GCA: variants seen among roughly 807,000 people sequenced by gnomAD.
GCA encodes the protein grancalcin, EF-hand calcium-binding protein.
A neutral mutation model predicts 32.6 loss-of-function variants in GCA; 30 were observed. The observed-to-expected ratio is 0.92, with a 90% CI of 0.69 to 1.25. The LOEUF (loss-of-function observed/expected upper bound fraction) is 1.25, where lower values mean the gene tolerates loss of function less well. Among genes scored for constraint, GCA ranks in the 50% most tolerant of loss-of-function variants. GCA has a pLI of 0.00. For synonymous variants in GCA, 102 were observed against 84.6 expected (o/e 1.21, Z -1.13); for missense variants, 291 against 266.8 (o/e 1.09, Z -0.63).
At chr2:162,359,581 T>G (rs367911366) in intron 7 of GCA, 29 bp downstream of exon 7, 9 of 1,238,150 alleles carry the variant, frequency 7.3e-6, no homozygotes, top group Non-Finnish European at 1.1e-5. Context: ...ATATTTATAC[T>G]GCATTCTAGA....
At chr2:162,371,915 G>A, downstream of GCA, 1 of 1,613,798 alleles carries the variant, frequency 6.2e-7, no homozygotes. Context: ...GGCAAAGAAG[G>A]ATGCCTAATT....
At chr2:162,354,981 C>T (rs16846633) in intron 3 of GCA, among the ~76,000 whole-genome samples, 5,134 of 152,226 alleles carry the variant, frequency 0.034, 425 homozygotes, top group Admixed American at 0.21. Context: ...TCAGTTTTAG[C>T]GATCTATTAT....
intron 1 of GCA, among the ~76,000 whole-genome samples, chr2:162,329,644 AT>A (rs1232081251): frequency 6.6e-6 from 1 of 150,682 alleles, no homozygotes; most frequent in Non-Finnish European, 1.5e-5. Context: ...AGGGATCAAA[AT>A]TTTTTATTTT....
intron 1 of GCA, among the ~76,000 whole-genome samples, chr2:162,330,917 A>G (rs538387584): frequency 6.6e-5 from 10 of 152,368 alleles, no homozygotes; most frequent in African/African-American, 2.2e-4. Flanking sequence ...CAACTGATCA[A>G]TACATAACTT....
intron 5 of GCA, among the ~76,000 whole-genome samples, chr2:162,357,576 A>G (rs75992069): frequency 0.018 from 2,699 of 151,852 alleles, 75 homozygotes; most frequent in African/African-American, 0.062. Context: ...TGGAAGTTAA[A>G]ATCTGAACCC....
chr2:162,374,230 T>G (rs933344143), downstream of GCA, among the ~76,000 whole-genome samples: 7 of 152,204 alleles, frequency 4.6e-5, no homozygotes, highest in African/African-American at 1.7e-4. Flanking sequence ...TTTTCCCTCT[T>G]AATATGTCAT....
At chr2:162,365,707 TAAAATG>T (rs1685731446), downstream of GCA, among the ~76,000 whole-genome samples, 1 of 151,660 alleles carries the variant, frequency 6.6e-6, no homozygotes, top group South Asian at 2.1e-4. Flanking sequence ...ATCAAAATTA[TAAAATG>T]CAAATTTCAG....
chr2:162,351,555 G>A (rs1349163543), intron 2 of GCA, among the ~76,000 whole-genome samples: 1 of 152,124 alleles, frequency 6.6e-6, no homozygotes, highest in Non-Finnish European at 1.5e-5. Flanking sequence ...GAATGTGAGT[G>A]TTAATAATAT....
intron 4 of GCA, among the ~76,000 whole-genome samples, chr2:162,368,371 T>G (rs920291007): frequency 3.0e-4 from 45 of 152,046 alleles, no homozygotes; most frequent in African/African-American, 1.1e-3. Context: ...GATAAGCAAT[T>G]TAGACACTCT....
In GCA at chr2:162,360,980, C is replaced by G. The variant is rs754083034; in HGVS notation, c.*737C>G. On this transcript the variant is annotated 3_prime_UTR_variant, in exon 8 of 8. Coordinates refer to ENST00000437150, the MANE Select transcript of GCA (RefSeq NM_012198.5). Reference sequence around the variant, plus strand: ...GACATAGTTCACCTAAAATGGCATCCTGCTCTGAATCTAGACTTTTTAGAA... The same window carrying G: ...GACATAGTTCACCTAAAATGGCATCGTGCTCTGAATCTAGACTTTTTAGAA... 20 of 1,105,326 alleles carry G rather than the reference C, an allele frequency of 1.8e-5. No homozygotes were observed. The highest frequency in any genetic ancestry group is 9.9e-5 in the Admixed American group (2 of 20,170). 68.5% of individuals were successfully genotyped at this position (1,105,326 alleles called of 1,614,324 possible).
rs1419816566 is a variant in GCA at position 162,371,271 on chromosome 2, G to A, written c.366-35G>A. On this transcript the variant is annotated intron_variant, in intron 4 of 4. Transcript: ENST00000414723. ...GGATATGGCTTCCTATACTGTCAGA[G>A]GTTTACAACTCAAACTTTGTATTTT... is the stretch of plus-strand genomic sequence containing the variant. The A allele has an allele frequency of 4.4e-6, 5 of 1,148,302 alleles. No individual in the cohort carries two copies. The East Asian group carries it at 1.7e-4, about 40-fold the overall frequency. 71.1% of individuals were successfully genotyped at this position (1,148,302 alleles called of 1,614,324 possible).
chr2:162,356,356 T>C, intron 3 of GCA, 82 bp from the exon 4 acceptor site: 1 of 815,296 alleles, frequency 1.2e-6, no homozygotes, highest in Non-Finnish European at 2.1e-6. Context: ...TTTAATGTTT[T>C]ATTTTGAAAC....
At chr2:162,371,914 G>A (rs1373006014), downstream of GCA, 4 of 1,613,756 alleles carry the variant, frequency 2.5e-6, no homozygotes, top group Non-Finnish European at 2.5e-6. Context: ...TGGCAAAGAA[G>A]GATGCCTAAT....
intron 2 of GCA, among the ~76,000 whole-genome samples, chr2:162,349,920 A>T (rs772081378): frequency 1.5e-4 from 23 of 152,204 alleles, no homozygotes; most frequent in Non-Finnish European, 3.1e-4. Context: ...ATAACATTTT[A>T]TTCATTCCCT....
chr2:162,326,443 G>A (rs1683882280), intron 1 of GCA, among the ~76,000 whole-genome samples: 1 of 152,222 alleles, frequency 6.6e-6, no homozygotes, highest in South Asian at 2.1e-4. Context: ...TATAAGCTGA[G>A]GGTGGTGAAG....
At chr2:162,337,010 G>C (rs1462821348) in intron 1 of GCA, among the ~76,000 whole-genome samples, 1 of 152,174 alleles carries the variant, frequency 6.6e-6, no homozygotes, top group Non-Finnish European at 1.5e-5. Context: ...ATTTGAGCAG[G>C]GTTGGGAATT....
intron 2 of GCA, among the ~76,000 whole-genome samples, chr2:162,348,784 A>T (rs943093121): frequency 6.6e-6 from 1 of 152,052 alleles, no homozygotes; most frequent in Non-Finnish European, 1.5e-5. Context: ...TTTTATATAT[A>T]TTTTTCATGT....
At chr2:162,318,873 C>T (rs922224741), upstream of GCA, 1 of 209,294 alleles carries the variant, frequency 4.8e-6, no homozygotes, top group Non-Finnish European at 1.0e-5. Context: ...AAGACCAACG[C>T]TCTAGCAAAG....
chr2:162,367,763 T>C (rs895207667), downstream of GCA, among the ~76,000 whole-genome samples: 2 of 152,028 alleles, frequency 1.3e-5, no homozygotes. Context: ...TTTAATGCCA[T>C]GTTTCTGGAC....
Sources: gnomAD v4.1 joint callset for allele counts (sites outside exome capture counted in the v4.1 genomes callset) on GRCh38, gnomAD v4.1.1 for gene constraint, MANE v1.5 for transcripts, NCBI Gene and HGNC (gene_info 2026-07-23, HGNC 2026-07-21) for gene names.